Variants in CEP350 observed in about 807,000 individuals in gnomAD.
CEP350 encodes the protein centrosome-associated protein 350.
CEP350 carries 126 observed loss-of-function variants against 331.8 expected under a neutral mutation model. The observed-to-expected ratio is 0.38, with a 90% CI of 0.33 to 0.44. The LOEUF (loss-of-function observed/expected upper bound fraction) is 0.44. Among genes scored for constraint, CEP350 ranks in the 20% least tolerant of loss-of-function variants. CEP350 has a pLI of 1.00. For missense variants in CEP350, 3,406 were observed against 3,634.6 expected, an observed-to-expected ratio of 0.94 and a Z score of 1.62; for synonymous variants, 1,200 against 1,259.5, an observed-to-expected ratio of 0.95 and a Z score of 1.00.
rs201684449 is a variant in CEP350 at position 180,020,494 on chromosome 1, A to G, written c.2720A>G (p.Asp907Gly). The change falls in exon 12 of 38, where the codon GAT becomes GGT. Residue 907 changes from aspartate (D) to glycine (G), a missense_variant. Around this residue, in one of 5 missense-constraint regions of CEP350, gnomAD observed 1,857 missense variants for 1,909.2 expected, o/e 0.97. Coordinates refer to ENST00000367607, the MANE Select transcript of CEP350 (RefSeq NM_014810.5). The stretch of plus-strand genomic sequence containing the variant: ...AGCTGTGTATCTCATGCAACTTTTG[A>G]TGATGATCTTCCTGGTGTAGGCAAT... ...LGSCVSHATF[D>G]DDLPGVGNLS... 2.6e-5 allele frequency: 42 copies of G among 1,614,022 alleles called. No individual in the cohort carries two copies. The East Asian group carries it at 8.2e-4, about 32-fold the overall frequency.
In CEP350 at chr1:180,111,202, C is replaced by A; in HGVS notation, c.*41C>A. 2 of 1,601,996 alleles carry A rather than the reference C, an allele frequency of 1.2e-6. No homozygotes were observed. Among genetic ancestry groups the A allele is most frequent in the South Asian group, 1.1e-5 (1 of 89,776 alleles). ...TCGAACGCTGAGTGCTAATGTGAGT[C>A]CTGGGCCTTTCTGCCTCCTGATGTA... On this transcript the variant is annotated 3_prime_UTR_variant, in exon 38 of 38. Transcript: ENST00000367607.
Position 180,012,033 on chromosome 1 carries a change from G to T in CEP350, c.1351G>T (p.Ala451Ser). ...AATGGAGCCAAAAGAGCAAAGAACA[G>T]CATCAAGTGACAGAGGTGGAAGAGA... is the stretch of plus-strand genomic sequence containing the variant. ...PRMEPKEQRT[A>S]SSDRGGRERT... The change falls in exon 9 of 38, where the codon GCA becomes TCA. Residue 451 changes from alanine (A) to serine (S), a missense_variant. Physicochemically the swap from Ala to Ser is moderately conservative, Grantham distance 99 (BLOSUM62 1). Coordinates refer to ENST00000367607, the MANE Select transcript of CEP350 (RefSeq NM_014810.5). The T allele has an allele frequency of 6.3e-7, 1 of 1,576,102 alleles. No individual in the cohort carries two copies.
At chr1:179,998,364 A>G (rs904723847) in intron 6 of CEP350, among the ~76,000 whole-genome samples, 1 of 141,394 alleles carries the variant, frequency 7.1e-6, no homozygotes, top group Non-Finnish European at 1.5e-5. Context: ...GCTGGAGTGC[A>G]GTGGCATGAT....
At chr1:180,016,882 T>G (rs1401467718) in intron 11 of CEP350, among the ~76,000 whole-genome samples, 48 of 152,070 alleles carry the variant, frequency 3.2e-4, no homozygotes, top group African/African-American at 1.0e-3. Context: ...AGGCAGGTCT[T>G]AAACTCCTGA....
rs1034868721 is a variant in CEP350, at chr1:180,087,698, C to G, written c.6406C>G (p.Pro2136Ala). ...AGCTTCTGAAAAACCCAAGATCAAACCCCTCACACCACTACACAGGTAGAA... is the reference window on the plus strand; with the variant it reads ...AGCTTCTGAAAAACCCAAGATCAAAGCCCTCACACCACTACACAGGTAGAA... The part of the protein sequence containing the change: ...SSASEKPKIK[P>A]LTPLHRSETA... The change falls in exon 32 of 38, where the codon CCC becomes GCC. Residue 2136 changes from proline (P) to alanine (A), a missense_variant. Around this residue, in one of 5 missense-constraint regions of CEP350, gnomAD observed 1,415 missense variants for 1,512.3 expected, o/e 0.94. Coordinates refer to ENST00000367607, the MANE Select transcript of CEP350 (RefSeq NM_014810.5). The G allele has an allele frequency of 1.9e-6, 3 of 1,577,996 alleles. No individual in the cohort carries two copies. The African/African-American group carries it at 4.1e-5, about 21-fold the overall frequency.
chr1:179,968,987 C>T lies in CEP350; in HGVS notation c.-14+13845C>T. The T allele has an allele frequency of 4.0e-6, 3 of 757,562 alleles. No homozygotes were observed. The South Asian group carries it at 4.0e-5, about 10-fold the overall frequency. 46.9% of individuals were successfully genotyped at this position (757,562 alleles called of 1,614,324 possible). On this transcript the variant is annotated intron_variant, in intron 1 of 37. Transcript: ENST00000367607. ...GGAACCTTCACTAACCAGATCCAGG[C>T]AGCCTTCCGGGAGCCATGGCTTGTG...
rs1660371019 is a variant in CEP350 at position 180,094,505 on chromosome 1, C to A, written c.8400C>A (p.Asp2800Glu). 1 of 1,613,858 alleles carries A rather than the reference C, an allele frequency of 6.2e-7. No individual in the cohort carries two copies. The highest frequency in any genetic ancestry group is 8.5e-7 in the Non-Finnish European group (1 of 1,179,846). ...GDDQKKVTPQDLSQNVEEQSP... is the reference protein window; with the variant it reads ...GDDQKKVTPQELSQNVEEQSP... ...ACCAAAAGAAAGTAACACCCCAAGA[C>A]CTATCCCAAAATGTTGAGGAACAGT... Residue 2800 changes from aspartate to glutamate, a missense_variant, in exon 34 of 38, where the codon GAC becomes GAA. Transcript: ENST00000367607.
At chr1:180,008,770 G>T (rs994955675) in intron 8 of CEP350, among the ~76,000 whole-genome samples, 2 of 152,144 alleles carry the variant, frequency 1.3e-5, no homozygotes, top group Non-Finnish European at 2.9e-5. Context: ...AATAAAGTAT[G>T]ATTAGTGCTG....
intron 37 of CEP350, among the ~76,000 whole-genome samples, chr1:180,102,961 A>C (rs1332012690): frequency 6.6e-6 from 1 of 152,228 alleles, no homozygotes; most frequent in Non-Finnish European, 1.5e-5. Flanking sequence ...TAAGGAGTGG[A>C]AAGTTTAATA....
chr1:179,991,980 AT>A lies in CEP350; in HGVS notation c.236-72del, dbSNP rs528374188. ...AACTATTAGAAATAATAGATACCTA[AT>A]TTTTTTTTTAAGATACCAGCCTAAT... On this transcript the variant is annotated intron_variant, in intron 4 of 37. Coordinates refer to ENST00000367607, the MANE Select transcript of CEP350 (RefSeq NM_014810.5). 4.8e-3 allele frequency: 5,812 copies of A among 1,207,140 alleles called. 11 individuals are homozygous for A. Among genetic ancestry groups the A allele is most frequent in the African/African-American group, 0.017 (1,039 of 61,496 alleles). The allele number at this position is 1,207,140 out of a possible 1,614,324, so 74.8% of individuals were successfully genotyped here. A position where few individuals can be genotyped will look rare whatever the true frequency, so the allele number is the denominator to read the frequency against.
intron 8 of CEP350, among the ~76,000 whole-genome samples, chr1:180,007,081 T>C (rs1400434971): frequency 1.3e-5 from 2 of 152,208 alleles, no homozygotes; most frequent in African/African-American, 2.4e-5. Context: ...TGTGTGCATG[T>C]GTCTTTATAG....
chr1:180,111,385 G>T lies in CEP350; in HGVS notation c.*224G>T. On this transcript the variant is annotated 3_prime_UTR_variant, in exon 38 of 38. Transcript: ENST00000367607. The stretch of plus-strand genomic sequence containing the variant: ...TAATGGGTTATTTTCAGTGGGCAGG[G>T]TTGCACAGTGTAATCCTACACCTTT... The T allele has an allele frequency of 2.0e-6, 1 of 494,942 alleles. No individual in the cohort carries two copies. The highest frequency in any genetic ancestry group is 3.6e-5 in the Admixed American group (1 of 27,482). 30.7% of individuals were successfully genotyped at this position (494,942 alleles called of 1,614,324 possible). A position where few individuals can be genotyped will look rare whatever the true frequency, so the allele number is the denominator to read the frequency against.
At position 180,031,427 on chromosome 1, in the gene CEP350, G is replaced by A. The variant is rs201829907; in HGVS notation, c.3658G>A (p.Val1220Ile). The A allele has an allele frequency of 1.7e-4, 272 of 1,603,270 alleles. No homozygotes were observed. Among genetic ancestry groups the A allele is most frequent in the Non-Finnish European group, 2.2e-4 (262 of 1,173,894 alleles). The stretch of plus-strand genomic sequence containing the variant: ...ATCTGGGACCAGCAGCAAACTTTCT[G>A]TTAAAGATTTTGAGCAGACTCTTGA... ...KKSGTSSKLSVKDFEQTLDTD... is the reference protein window; with the variant it reads ...KKSGTSSKLSIKDFEQTLDTD... Residue 1220 changes from valine to isoleucine, a missense_variant, in exon 15 of 38, where the codon GTT becomes ATT. Physicochemically the swap from Val to Ile is conservative, Grantham distance 29. This residue lies in a region of CEP350 where 1,857 missense variants were observed against 1,909.2 expected (regional missense o/e 0.97). Transcript: ENST00000367607.
intron 6 of CEP350, among the ~76,000 whole-genome samples, chr1:180,000,168 ATCT>A (rs1295183168): frequency 6.6e-6 from 1 of 152,216 alleles, no homozygotes; most frequent in Non-Finnish European, 1.5e-5. Flanking sequence ...AGATAGTGAA[ATCT>A]TCTTAAAGTT....
Position 179,997,190 on chromosome 1 carries a change from T to A in CEP350, c.1018+15T>A, listed in dbSNP as rs1261742458. The A allele has an allele frequency of 6.3e-7, 1 of 1,594,300 alleles. No individual in the cohort carries two copies. Among genetic ancestry groups the A allele is most frequent in the Non-Finnish European group, 8.5e-7 (1 of 1,171,016 alleles). ...AGCATATAAAGGTTTGTAATCAGTC[T>A]TTATATCTTCCTCTCCCTGCTTCTT... On this transcript the variant is annotated intron_variant, in intron 6 of 37. Coordinates refer to ENST00000367607, the MANE Select transcript of CEP350 (RefSeq NM_014810.5).
Position 180,043,301 on chromosome 1 carries a change from G to A in CEP350, c.4499+109G>A. 6 of 1,319,024 alleles carry A rather than the reference G, an allele frequency of 4.5e-6. No homozygotes were observed. In the South Asian group the frequency reaches 9.3e-5, roughly 20 times the overall value. 81.7% of individuals were successfully genotyped at this position (1,319,024 alleles called of 1,614,324 possible). On this transcript the variant is annotated intron_variant, in intron 20 of 37. Coordinates refer to ENST00000367607, the MANE Select transcript of CEP350 (RefSeq NM_014810.5). ...TGTTATAGGCATTATTCTTGGTTGA[G>A]AATACAGTTATGGGCATAGTCTAGT...
chr1:180,098,409 C>G (rs1054528093), intron 36 of CEP350, among the ~76,000 whole-genome samples: 5 of 152,132 alleles, frequency 3.3e-5, no homozygotes, highest in African/African-American at 1.2e-4. Flanking sequence ...GGTGCAATCT[C>G]AGCTCACTGC....
intron 6 of CEP350, among the ~76,000 whole-genome samples, chr1:180,001,496 T>TGA (rs1266437838): frequency 2.0e-5 from 3 of 152,162 alleles, no homozygotes; most frequent in Non-Finnish European, 4.4e-5. Flanking sequence ...TGGCCTCAAG[T>TGA]GATCCACTCG....
chr1:179,983,293 G>T (rs949411255), intron 1 of CEP350, among the ~76,000 whole-genome samples: 1 of 151,968 alleles, frequency 6.6e-6, no homozygotes, highest in African/African-American at 2.4e-5. Flanking sequence ...GGAGTGCAGT[G>T]GTGCGATCTT....
Sources: allele counts gnomAD v4.1 joint callset (sites outside exome capture counted in the v4.1 genomes callset), GRCh38; gene constraint gnomAD v4.1.1; regional missense constraint gnomAD v4.1.1; transcripts MANE v1.5; gene names NCBI Gene and HGNC (gene_info 2026-07-23, HGNC 2026-07-21).